Variants in ARAP2 observed in about 807,000 individuals in gnomAD.
ARAP2 encodes arf-GAP with Rho-GAP domain, ANK repeat and PH domain-containing protein 2.
Under a neutral mutation model 194.5 loss-of-function variants are expected in ARAP2, and 148 were observed. That is an observed-to-expected ratio of 0.76 (90% CI 0.67 to 0.87). The LOEUF (loss-of-function observed/expected upper bound fraction) is 0.87. Ranked by LOEUF, ARAP2 falls within the 40% of genes least tolerant of loss-of-function variation. The pLI, the probability that ARAP2 is intolerant of heterozygous loss-of-function variation, is 0.00. For missense variants in ARAP2, 2,128 were observed against 1,989.7 expected, an observed-to-expected ratio of 1.07 and a Z score of -1.32; for synonymous variants, 695 against 683.5, an observed-to-expected ratio of 1.02 and a Z score of -0.26.
chr4:36,119,658 C>G lies in ARAP2; in HGVS notation c.3955G>C (p.Asp1319His), dbSNP rs775065486. The G allele has an allele frequency of 6.2e-7, 1 of 1,600,504 alleles. No homozygotes were observed. The highest frequency in any genetic ancestry group is 8.5e-7 in the Non-Finnish European group (1 of 1,169,712). Residue 1319 changes from aspartate to histidine, a missense_variant, in exon 24 of 33, where the codon GAC becomes CAC. Physicochemically the swap from Asp to His is moderately conservative, Grantham distance 81. Transcript: ENST00000303965. Reference protein sequence around the residue: ...IENSFITKWKDTQVSQAGDLL... With the variant: ...IENSFITKWKHTQVSQAGDLL... Reference sequence around the variant, plus strand: ...TAACTATTACTACTCACTTGGGTGTCTTTCCACTTGGTAATAAAGCTATTT... The same window carrying G: ...TAACTATTACTACTCACTTGGGTGTGTTTCCACTTGGTAATAAAGCTATTT...
intron 27 of ARAP2, among the ~76,000 whole-genome samples, chr4:36,101,394 G>C (rs561141473): frequency 0.048 from 1,263 of 26,410 alleles, 20 homozygotes; most frequent in African/African-American, 0.12. Context: ...AAAAGTACCA[G>C]AGTTTTTTTT....
rs1725614444 is a variant in ARAP2 at position 36,066,970 on chromosome 4, A to T, written c.*937T>A. Reference sequence around the variant, plus strand: ...ATTTAAAAAAATCTAAAAATCAAACAAAACAACAGGACCCTGTGGTGATGA... The same window carrying T: ...ATTTAAAAAAATCTAAAAATCAAACTAAACAACAGGACCCTGTGGTGATGA... On this transcript the variant is annotated 3_prime_UTR_variant, in exon 33 of 33. Coordinates refer to ENST00000303965, the MANE Select transcript of ARAP2 (RefSeq NM_015230.4). The T allele has an allele frequency of 6.6e-6, 1 of 152,218 alleles. No individual in the cohort carries two copies. The highest frequency in any genetic ancestry group is 1.5e-5 in the Non-Finnish European group (1 of 68,032). The allele number at this position is 152,218 out of a possible 1,614,324, so 9.4% of individuals were successfully genotyped here.
rs530190822 is a variant in ARAP2, at chr4:36,179,381, C to T, written c.1679-1376G>A. Reference sequence around the variant, plus strand: ...AACGTGGCATCAGAAATTGGCCAGGCGAAGAAGGAGAATCCAATTAGTTAA... The same window carrying T: ...AACGTGGCATCAGAAATTGGCCAGGTGAAGAAGGAGAATCCAATTAGTTAA... On this transcript the variant is annotated intron_variant, in intron 8 of 32. Transcript: ENST00000303965. Among the ~76,000 whole-genome samples, 4 of 152,214 alleles carry T rather than the reference C, an allele frequency of 2.6e-5. No homozygotes were observed. The East Asian group carries it at 5.8e-4, about 22-fold the overall frequency.
At chr4:36,213,439 T>C (rs1747210146) in intron 3 of ARAP2, 120 bp from the exon 4 acceptor site, 1 of 676,512 alleles carries the variant, frequency 1.5e-6, no homozygotes. Flanking sequence ...CTTTATTCTG[T>C]AAGAGTCCAA....
chr4:36,161,211 A>C (rs6531417), intron 12 of ARAP2, among the ~76,000 whole-genome samples: 126,045 of 151,862 alleles, frequency 0.83, 52,369 homozygotes, highest in East Asian at 0.92. Context: ...AGCATTAAAA[A>C]AAAACAAGCT....
Position 36,229,370 on chromosome 4 carries a change from T to C in ARAP2, c.117A>G (p.Ala39=). Residue 39 remains alanine (A), a synonymous_variant, in exon 2 of 33, where the codon GCA becomes GCG. Coordinates refer to ENST00000303965, the MANE Select transcript of ARAP2 (RefSeq NM_015230.4). ...ESGFTTVKDC[A]AINDSLLQKI... Reference sequence around the variant, plus strand: ...TCTGCAGCAGGCTGTCATTTATTGCTGCACAGTCCTTCACAGTAGTAAAAC... The same window carrying C: ...TCTGCAGCAGGCTGTCATTTATTGCCGCACAGTCCTTCACAGTAGTAAAAC... 6.2e-7 allele frequency: 1 copy of C among 1,614,106 alleles called. No individual in the cohort carries two copies. Among genetic ancestry groups the C allele is most frequent in the South Asian group, 1.1e-5 (1 of 91,082 alleles).
chr4:36,130,493 A>G (rs182248741), intron 20 of ARAP2, among the ~76,000 whole-genome samples: 4 of 151,886 alleles, frequency 2.6e-5, no homozygotes, highest in Admixed American at 2.6e-4. Context: ...TCTTCTTCTA[A>G]CTAGCTCCCA....
At chr4:36,191,267 G>T (rs1741834532) in intron 7 of ARAP2, among the ~76,000 whole-genome samples, 1 of 152,074 alleles carries the variant, frequency 6.6e-6, no homozygotes, top group Non-Finnish European at 1.5e-5. Context: ...CTAGAAATAA[G>T]TCAAGTAGCA....
chr4:36,080,344 G>T, intron 30 of ARAP2, 65 bp from the exon 31 acceptor site: 2 of 1,334,914 alleles, frequency 1.5e-6, no homozygotes, highest in Non-Finnish European at 2.1e-6. Flanking sequence ...TAGTGTATCT[G>T]CTGAGTGATT....
chr4:36,201,260 G>T (rs1744309234), intron 6 of ARAP2, among the ~76,000 whole-genome samples: 1 of 152,154 alleles, frequency 6.6e-6, no homozygotes, highest in Non-Finnish European at 1.5e-5. Flanking sequence ...AGGTAATAAA[G>T]AACATATCTG....
rs1578181621 is a variant in ARAP2, at chr4:36,178,077, A to T, written c.1679-72T>A. On this transcript the variant is annotated intron_variant, in intron 8 of 32. Coordinates refer to ENST00000303965, the MANE Select transcript of ARAP2 (RefSeq NM_015230.4). ...CATAGACACAGAAACGTCAAGAAGA[A>T]ATCCATGCCCTTTGCAACACATAAG... The T allele has an allele frequency of 2.1e-5, 28 of 1,356,154 alleles. No homozygotes were observed. The East Asian group carries it at 6.0e-4, about 29-fold the overall frequency. The allele number at this position is 1,356,154 out of a possible 1,614,324, so 84.0% of individuals were successfully genotyped here. A position where few individuals can be genotyped will look rare whatever the true frequency, so the allele number is the denominator to read the frequency against.
chr4:36,059,871 T>C (rs1041532697), intron 1 of ARAP2, among the ~76,000 whole-genome samples: 4 of 152,166 alleles, frequency 2.6e-5, no homozygotes, highest in African/African-American at 7.2e-5. Context: ...TGTTCTGACC[T>C]TGCCAGGAGC....
chr4:36,018,730 C>T (rs1223212786), intron 6 of ARAP2, among the ~76,000 whole-genome samples: 1 of 152,166 alleles, frequency 6.6e-6, no homozygotes, highest in Non-Finnish European at 1.5e-5. Flanking sequence ...CCATATTTAT[C>T]AATCTCCTGT....
intron 26 of ARAP2, among the ~76,000 whole-genome samples, chr4:36,108,016 C>G (rs1016150081): frequency 6.6e-6 from 1 of 151,760 alleles, no homozygotes; most frequent in African/African-American, 2.4e-5. Flanking sequence ...AATTCTACCC[C>G]TTGTACAATA....
At chr4:36,044,533 C>G (rs1721485589) in intron 5 of ARAP2, among the ~76,000 whole-genome samples, 1 of 151,902 alleles carries the variant, frequency 6.6e-6, no homozygotes, top group South Asian at 2.1e-4. Context: ...TTACCTCACC[C>G]CATATATAAG....
At chr4:36,233,011 C>G (rs1751790068) in intron 1 of ARAP2, among the ~76,000 whole-genome samples, 1 of 152,174 alleles carries the variant, frequency 6.6e-6, no homozygotes, top group African/African-American at 2.4e-5. Context: ...TATCACTCAA[C>G]ATGCTGAATA....
chr4:36,088,880 C>A (rs1712691786), intron 28 of ARAP2, among the ~76,000 whole-genome samples: 1 of 152,130 alleles, frequency 6.6e-6, no homozygotes, highest in Admixed American at 6.6e-5. Flanking sequence ...CACAACAGAA[C>A]ACAGTGAAGC....
chr4:36,103,369 C>T (rs929441515), intron 27 of ARAP2, among the ~76,000 whole-genome samples: 38 of 151,444 alleles, frequency 2.5e-4, no homozygotes, highest in African/African-American at 4.4e-4. Flanking sequence ...ATAAGACTTA[C>T]GCAACTTGAG....
downstream of ARAP2, among the ~76,000 whole-genome samples, chr4:36,061,268 C>A (rs993449162): frequency 6.6e-6 from 1 of 152,148 alleles, no homozygotes; most frequent in African/African-American, 2.4e-5. Flanking sequence ...ACTATAGGCA[C>A]CCTGTTGTGC....
Sources: allele counts gnomAD v4.1 joint callset (sites outside exome capture counted in the v4.1 genomes callset), GRCh38; gene constraint gnomAD v4.1.1; transcripts MANE v1.5; gene names NCBI Gene and HGNC (gene_info 2026-07-23, HGNC 2026-07-21).